Variants in KIAA1217 observed in about 807,000 individuals in gnomAD.
The protein encoded by KIAA1217 is KIAA1217.
A neutral mutation model predicts 163.9 loss-of-function variants in KIAA1217; 88 were observed. That is an observed-to-expected ratio of 0.54 (90% CI 0.45 to 0.64). KIAA1217 has a LOEUF of 0.64. Among genes scored for constraint, KIAA1217 ranks in the 30% least tolerant of loss-of-function variants. The pLI, the probability that KIAA1217 is intolerant of heterozygous loss-of-function variation, is 0.00. For missense variants in KIAA1217, 2,372 were observed against 2,475.0 expected (o/e 0.96, Z 0.88); for synonymous variants, 903 against 923.1 (o/e 0.98, Z 0.39).
At chr10:24,377,435 T>G (rs2052662799) in intron 2 of KIAA1217, among the ~76,000 whole-genome samples, 1 of 152,074 alleles carries the variant, frequency 6.6e-6, no homozygotes, top group Non-Finnish European at 1.5e-5. Flanking sequence ...GGTAGCAGCT[T>G]CAAACACCAA....
intron 1 of KIAA1217, among the ~76,000 whole-genome samples, chr10:23,872,521 A>C (rs1301220828): frequency 6.6e-6 from 1 of 152,046 alleles, no homozygotes; most frequent in East Asian, 1.9e-4. Context: ...AGAGAGCTTC[A>C]TTTACCACCA....
chr10:24,240,009 G>A (rs1046497943), intron 2 of KIAA1217, among the ~76,000 whole-genome samples: 1 of 152,078 alleles, frequency 6.6e-6, no homozygotes, highest in African/African-American at 2.4e-5. Context: ...AGGAAGGTGG[G>A]GTGTGGGTGA....
intron 1 of KIAA1217, among the ~76,000 whole-genome samples, chr10:23,952,756 AACT>A (rs1457519910): frequency 6.6e-6 from 1 of 152,220 alleles, no homozygotes; most frequent in Non-Finnish European, 1.5e-5. Context: ...CATACTTGTA[AACT>A]ATAAAGTATT....
chr10:23,943,098 C>G (rs1474118930), intron 1 of KIAA1217, among the ~76,000 whole-genome samples: 1 of 151,912 alleles, frequency 6.6e-6, no homozygotes, highest in Non-Finnish European at 1.5e-5. Context: ...GCAATTTAGC[C>G]TGGTGTCAGA....
At chr10:24,428,542 A>G (rs2131690091) in intron 3 of KIAA1217, among the ~76,000 whole-genome samples, 1 of 152,290 alleles carries the variant, frequency 6.6e-6, no homozygotes, top group South Asian at 2.1e-4. Flanking sequence ...GGGCGAGGTT[A>G]CTAGGCTGGT....
intron 2 of KIAA1217, among the ~76,000 whole-genome samples, chr10:24,173,970 C>A (rs1002574846): frequency 1.3e-5 from 2 of 152,134 alleles, no homozygotes; most frequent in South Asian, 2.1e-4. Context: ...CTGTCTTGTA[C>A]CCTCAGGAAC....
intron 9 of KIAA1217, among the ~76,000 whole-genome samples, chr10:24,507,290 G>T (rs766353643): frequency 1.3e-5 from 2 of 152,122 alleles, no homozygotes; most frequent in Non-Finnish European, 2.9e-5. Flanking sequence ...AAAATTACTA[G>T]ACATGTGATG....
At position 23,979,436 on chromosome 10, in the gene KIAA1217, C is replaced by A. The variant is rs76271713; in HGVS notation, c.-320-27789C>A. On this transcript the variant is annotated intron_variant, in intron 1 of 18. Coordinates refer to the KIAA1217 transcript ENST00000376462. ...CCCAAACACAAACAACCGCATTTTT[C>A]GTGTCTCCTTAATTTCTTCCTCTTC... is the stretch of plus-strand genomic sequence containing the variant. Among the ~76,000 whole-genome samples the A allele has an allele frequency of 5.4e-3, 820 of 152,258 alleles. 15 individuals carry two copies. The highest frequency in any genetic ancestry group is 0.019 in the African/African-American group (782 of 41,552).
chr10:24,514,332 A>G (rs2069689643), intron 10 of KIAA1217, among the ~76,000 whole-genome samples: 1 of 152,222 alleles, frequency 6.6e-6, no homozygotes, highest in South Asian at 2.1e-4. Context: ...TCTCATGGCC[A>G]TAATGAGAAA....
intron 1 of KIAA1217, among the ~76,000 whole-genome samples, chr10:23,982,322 C>A (rs1313028102): frequency 1.3e-5 from 2 of 152,052 alleles, no homozygotes; most frequent in Non-Finnish European, 2.9e-5. Context: ...ACCCAGTTTG[C>A]CTAACTCTAG....
chr10:24,538,039 G>C (rs1310478261), intron 17 of KIAA1217, among the ~76,000 whole-genome samples: 1 of 152,212 alleles, frequency 6.6e-6, no homozygotes, highest in Non-Finnish European at 1.5e-5. Context: ...AGAATTCAAA[G>C]ATTCTAGCTT....
At chr10:24,204,720 C>T (rs1288231544), upstream of KIAA1217, among the ~76,000 whole-genome samples, 2 of 152,152 alleles carry the variant, frequency 1.3e-5, no homozygotes, top group Middle Eastern at 3.2e-3. Flanking sequence ...AGTATAAGGT[C>T]ACCCTAACCA....
intron 2 of KIAA1217, among the ~76,000 whole-genome samples, chr10:24,362,064 G>T (rs541594101): frequency 3.6e-4 from 54 of 151,196 alleles, no homozygotes; most frequent in African/African-American, 1.3e-3. Context: ...TTGTCTTCTT[G>T]TTCATTTGTT....
chr10:24,182,439 CACA>C (rs2066223468), intron 2 of KIAA1217, among the ~76,000 whole-genome samples: 13 of 61,042 alleles, frequency 2.1e-4, no homozygotes, highest in African/African-American at 5.3e-4. Flanking sequence ...AAGACTCCAT[CACA>C]CACACACACA....
intron 1 of KIAA1217, among the ~76,000 whole-genome samples, chr10:23,707,138 T>C (rs962250971): frequency 2.0e-5 from 3 of 152,118 alleles, no homozygotes; most frequent in South Asian, 2.1e-4. Context: ...GAAGACACAA[T>C]AGAATAATTA....
At chr10:24,454,395 C>T (rs2061612017) in intron 5 of KIAA1217, among the ~76,000 whole-genome samples, 1 of 152,190 alleles carries the variant, frequency 6.6e-6, no homozygotes, top group Non-Finnish European at 1.5e-5. Context: ...TTTCTTGTGA[C>T]ATCAAAGGTC....
intron 1 of KIAA1217, among the ~76,000 whole-genome samples, chr10:23,937,774 G>C (rs1232903868): frequency 6.6e-6 from 1 of 152,156 alleles, no homozygotes; most frequent in East Asian, 1.9e-4. Flanking sequence ...TAATAACCTG[G>C]TGAAAATATA....
intron 1 of KIAA1217, among the ~76,000 whole-genome samples, chr10:23,919,735 T>C (rs1842781983): frequency 1.3e-5 from 2 of 151,970 alleles, no homozygotes. Flanking sequence ...CAGATGACAG[T>C]GTTCATTAAC....
chr10:23,931,213 A>G (rs1843239333), intron 1 of KIAA1217, among the ~76,000 whole-genome samples: 1 of 152,082 alleles, frequency 6.6e-6, no homozygotes. Context: ...TATAATTCCT[A>G]CAATAATTCT....
Sources: gnomAD v4.1 joint callset for allele counts (sites outside exome capture counted in the v4.1 genomes callset) on GRCh38, gnomAD v4.1.1 for gene constraint, MANE v1.5 for transcripts, NCBI Gene and HGNC (gene_info 2026-07-23, HGNC 2026-07-21) for gene names.